NALF1: variants seen among roughly 807,000 people sequenced by gnomAD.
NALF1 encodes the protein NALCN channel auxiliary factor 1.
A neutral mutation model predicts 48.4 loss-of-function variants in NALF1; 3 were observed. The observed-to-expected ratio is 0.06, with a 90% CI of 0.03 to 0.16. The LOEUF (loss-of-function observed/expected upper bound fraction) is 0.16. Among genes scored for constraint, NALF1 ranks in the 10% least tolerant of loss-of-function variants. The pLI is 1.00. For synonymous variants in NALF1, 262 were observed against 245.7 expected (o/e 1.07, Z -0.62); for missense variants, 526 against 571.5 (o/e 0.92, Z 0.81).
intron 1 of NALF1, among the ~76,000 whole-genome samples, chr13:107,783,673 G>T (rs556131094): frequency 6.6e-6 from 1 of 151,662 alleles, no homozygotes; most frequent in Admixed American, 6.6e-5. Context: ...CAGCATGCTC[G>T]TTAAGAGTCA....
At chr13:107,817,631 T>A (rs1368050667) in intron 1 of NALF1, among the ~76,000 whole-genome samples, 2 of 152,194 alleles carry the variant, frequency 1.3e-5, no homozygotes, top group Non-Finnish European at 2.9e-5. Flanking sequence ...TAAAATTTGT[T>A]TTCAATTTAT....
chr13:107,514,971 T>C (rs1193874542), intron 1 of NALF1, among the ~76,000 whole-genome samples: 1 of 152,202 alleles, frequency 6.6e-6, no homozygotes, highest in Non-Finnish European at 1.5e-5. Context: ...AGAGGAGACA[T>C]AGACTGTAAC....
Position 107,600,619 on chromosome 13 carries a change from G to A in NALF1, c.915+265063C>T, listed in dbSNP as rs1005706766. Among the ~76,000 whole-genome samples, 8 of 152,176 alleles carry A rather than the reference G, an allele frequency of 5.3e-5. 1 individual carries two copies. The East Asian group carries it at 9.7e-4, about 18-fold the overall frequency. ...TGTGTATCAGTTACTTACAGTGGTC[G>A]GTGCCTGTTGGATGCTTACCTAGGC... On this transcript the variant is annotated intron_variant, in intron 1 of 2. Transcript: ENST00000375915.
chr13:107,606,895 T>C (rs1879088393), intron 1 of NALF1, among the ~76,000 whole-genome samples: 1 of 152,206 alleles, frequency 6.6e-6, no homozygotes, highest in Non-Finnish European at 1.5e-5. Flanking sequence ...ATTCCTGATT[T>C]GTCTCTATTC....
chr13:107,609,054 G>C (rs1879152113), intron 1 of NALF1, among the ~76,000 whole-genome samples: 1 of 152,122 alleles, frequency 6.6e-6, no homozygotes, highest in Admixed American at 6.5e-5. Flanking sequence ...AGACACTTTG[G>C]GAGGAAAGAA....
At chr13:107,716,544 C>A (rs1875826196) in intron 1 of NALF1, among the ~76,000 whole-genome samples, 1 of 152,238 alleles carries the variant, frequency 6.6e-6, no homozygotes, top group South Asian at 2.1e-4. Flanking sequence ...CCACTGCTTT[C>A]TCTTCGCTGT....
At chr13:107,322,529 C>A (rs186690675) in intron 1 of NALF1, among the ~76,000 whole-genome samples, 63 of 152,226 alleles carry the variant, frequency 4.1e-4, no homozygotes, top group African/African-American at 1.3e-3. Context: ...AAAAAATACT[C>A]CATTTGTGAT....
At chr13:107,665,198 C>T (rs1880827000) in intron 1 of NALF1, among the ~76,000 whole-genome samples, 1 of 151,912 alleles carries the variant, frequency 6.6e-6, no homozygotes, top group Non-Finnish European at 1.5e-5. Context: ...CTGTAGAAGC[C>T]ACATCTATAC....
intron 1 of NALF1, among the ~76,000 whole-genome samples, chr13:107,352,068 A>C (rs1291203011): frequency 6.6e-6 from 1 of 152,214 alleles, no homozygotes; most frequent in Non-Finnish European, 1.5e-5. Context: ...TATTCACTTT[A>C]GGGTGAAGGC....
intron 1 of NALF1, among the ~76,000 whole-genome samples, chr13:107,865,459 T>C (rs983103912): frequency 1.3e-5 from 2 of 152,088 alleles, no homozygotes; most frequent in Non-Finnish European, 2.9e-5. Context: ...AACCGGGGAC[T>C]TCCCTGATCT....
At position 107,176,123 on chromosome 13, in the gene NALF1, C is replaced by A. The variant is rs532078394; in HGVS notation, c.1088-5337G>T. Among the ~76,000 whole-genome samples the A allele has an allele frequency of 5.9e-5, 9 of 152,196 alleles. No homozygotes were observed. The South Asian group carries it at 1.2e-3, about 21-fold the overall frequency. ...GAAATTATAAAAACATATTTCCAAA[C>A]AAAAATAATTTCTCAAACAAGAACC... On this transcript the variant is annotated intron_variant, in intron 2 of 2. Coordinates refer to ENST00000375915, the MANE Select transcript of NALF1 (RefSeq NM_001080396.3).
At chr13:107,390,075 C>G (rs113366460) in intron 1 of NALF1, among the ~76,000 whole-genome samples, 84 of 152,186 alleles carry the variant, frequency 5.5e-4, no homozygotes, top group African/African-American at 1.4e-3. Context: ...AATATATTCA[C>G]TAGTAGATTA....
chr13:107,841,607 G>A (rs973348097), intron 1 of NALF1, among the ~76,000 whole-genome samples: 15 of 149,872 alleles, frequency 1.0e-4, no homozygotes, highest in Admixed American at 2.0e-4. Context: ...CCATACAAAA[G>A]AGAAATGCAA....
chr13:107,325,532 C>T (rs933811364), intron 1 of NALF1, among the ~76,000 whole-genome samples: 2 of 152,160 alleles, frequency 1.3e-5, no homozygotes, highest in South Asian at 4.1e-4. Context: ...TATACAGTCA[C>T]TTATCTTTTT....
intron 1 of NALF1, among the ~76,000 whole-genome samples, chr13:107,240,047 A>G (rs1880435552): frequency 6.6e-6 from 1 of 152,222 alleles, no homozygotes; most frequent in Non-Finnish European, 1.5e-5. Context: ...CTTACAAGTC[A>G]CACACTTAGA....
chr13:107,725,946 G>A lies in NALF1; in HGVS notation c.915+139736C>T, dbSNP rs1191200206. Among the ~76,000 whole-genome samples, 5 of 152,086 alleles carry A rather than the reference G, an allele frequency of 3.3e-5. No homozygotes were observed. In the East Asian group the frequency reaches 9.7e-4, roughly 29 times the overall value. On this transcript the variant is annotated intron_variant, in intron 1 of 2. Transcript: ENST00000375915. ...TTTCTTTGATCATAAAGACTTTGGT[G>A]TTGAAGAAAGAGCAGTGACAATTGA...
chr13:107,556,272 C>CATATATATATATATATATATATAT (rs56407804), intron 1 of NALF1, among the ~76,000 whole-genome samples: 2 of 131,362 alleles, frequency 1.5e-5, no homozygotes, highest in African/African-American at 6.0e-5. Context: ...TCTCTCTCAA[C>CATATATATATATATATATATATAT]ATATATATAT....
At chr13:107,387,884 A>G (rs987831004) in intron 1 of NALF1, among the ~76,000 whole-genome samples, 4 of 152,218 alleles carry the variant, frequency 2.6e-5, no homozygotes, top group African/African-American at 9.6e-5. Context: ...GGTATTTTCA[A>G]TGACTTTCTT....
At chr13:107,719,848 G>C (rs1875931923) in intron 1 of NALF1, among the ~76,000 whole-genome samples, 1 of 152,140 alleles carries the variant, frequency 6.6e-6, no homozygotes, top group South Asian at 2.1e-4. Flanking sequence ...GGGTGCTCCT[G>C]GGCTCCCCTT....
Sources: gnomAD v4.1 joint callset for allele counts (sites outside exome capture counted in the v4.1 genomes callset) on GRCh38, gnomAD v4.1.1 for gene constraint, MANE v1.5 for transcripts, NCBI Gene and HGNC (gene_info 2026-07-23, HGNC 2026-07-21) for gene names.